HDAC4: variants seen among roughly 807,000 people sequenced by gnomAD.
The protein encoded by HDAC4 is histone deacetylase 4.
Under a neutral mutation model 135.1 loss-of-function variants are expected in HDAC4, and 16 were observed. The ratio of observed to expected loss-of-function variants is 0.12; its 90% confidence interval spans 0.08 to 0.18. The LOEUF (loss-of-function observed/expected upper bound fraction) is 0.18, where lower values mean the gene tolerates loss of function less well. HDAC4 is among the 10% of genes least tolerant of loss of function. The pLI is 1.00. For missense variants in HDAC4, 1,143 were observed against 1,511.8 expected (o/e 0.76, Z 4.05); for synonymous variants, 685 against 653.4 (o/e 1.05, Z -0.74).
Position 239,052,089 on chromosome 2 carries a change from G to GT in HDAC4, c.*1007dup, listed in dbSNP as rs2030939804. 1 of 152,566 alleles carries GT rather than the reference G, an allele frequency of 6.6e-6. No individual in the cohort carries two copies. The highest frequency in any genetic ancestry group is 1.5e-5 in the Non-Finnish European group (1 of 68,030). The allele number at this position is 152,566 out of a possible 1,614,324, so 9.5% of individuals were successfully genotyped here. ...CACGACCAGATGGAGATGCTCAATC[G>GT]TATGTGACGTGTGAGAACACTTTGG... On this transcript the variant is annotated 3_prime_UTR_variant, in exon 27 of 27. Transcript: ENST00000543185.
intron 2 of HDAC4, among the ~76,000 whole-genome samples, chr2:239,294,845 C>T (rs959178496): frequency 2.0e-5 from 3 of 152,126 alleles, no homozygotes; most frequent in Admixed American, 2.0e-4. Flanking sequence ...CAGGACTGTG[C>T]GCTCTCAGGA....
chr2:239,235,205 A>C (rs1256689998), intron 3 of HDAC4, among the ~76,000 whole-genome samples: 3 of 152,166 alleles, frequency 2.0e-5, no homozygotes, highest in Admixed American at 6.5e-5. Flanking sequence ...ACACCCCCCA[A>C]GAGGCCAGGG....
chr2:239,261,905 G>A (rs931460752), intron 2 of HDAC4, among the ~76,000 whole-genome samples: 1 of 152,246 alleles, frequency 6.6e-6, no homozygotes, highest in Non-Finnish European at 1.5e-5. Flanking sequence ...GCAACTGAGA[G>A]TCTCGAAAAG....
intron 14 of HDAC4, among the ~76,000 whole-genome samples, chr2:239,110,762 T>G (rs2038596083): frequency 2.0e-5 from 3 of 152,246 alleles, no homozygotes; most frequent in African/African-American, 7.2e-5. Flanking sequence ...CCTGCCTCTG[T>G]GCTTGTCTCA....
rs1407401805 is a variant in HDAC4 at position 239,261,789 on chromosome 2, T to C, written c.23-25125A>G. 3.9e-5 allele frequency among the ~76,000 whole-genome samples: 6 copies of C among 152,176 alleles called. No individual in the cohort carries two copies. The East Asian group carries it at 1.2e-3, about 29-fold the overall frequency. ...ACTCTTAGAAGGCGAGGTTTCCAAC[T>C]CAAACCACCCCAGAACCTTCCCTCG... On this transcript the variant is annotated intron_variant, in intron 2 of 26. Coordinates refer to ENST00000543185, the MANE Select transcript of HDAC4 (RefSeq NM_001378414.1).
chr2:239,255,522 T>G (rs1443324101), intron 2 of HDAC4, among the ~76,000 whole-genome samples: 2 of 152,216 alleles, frequency 1.3e-5, no homozygotes, highest in Non-Finnish European at 2.9e-5. Flanking sequence ...TCCTTTGTCT[T>G]TATTCTTACA....
chr2:239,141,072 G>C lies in HDAC4; in HGVS notation c.866-1276C>G, dbSNP rs550854348. 500 of 278,954 alleles carry C rather than the reference G, an allele frequency of 1.8e-3. 1 individual carries two copies. The highest frequency in any genetic ancestry group is 3.1e-3 in the Non-Finnish European group (389 of 126,528). The allele number at this position is 278,954 out of a possible 1,614,324, so 17.3% of individuals were successfully genotyped here. A position where few individuals can be genotyped will look rare whatever the true frequency, so the allele number is the denominator to read the frequency against. ...TTGAGGAAGGTGCCATTATGACCCCGTTTCCCAGAAGAGGAGATGGAGGCA... is the reference window on the plus strand; with the variant it reads ...TTGAGGAAGGTGCCATTATGACCCCCTTTCCCAGAAGAGGAGATGGAGGCA... On this transcript the variant is annotated intron_variant, in intron 8 of 26. Transcript: ENST00000543185. This position sits in a 1 kb window ranked among gnomAD's most constrained non-coding sequence, Gnocchi z 4.9.
intron 2 of HDAC4, among the ~76,000 whole-genome samples, chr2:239,252,359 C>A (rs1333550287): frequency 2.6e-5 from 4 of 152,234 alleles, no homozygotes; most frequent in Non-Finnish European, 4.4e-5. Flanking sequence ...AACGTACTCA[C>A]AAGCCGCAGT....
chr2:239,094,089 G>A (rs955475537), intron 17 of HDAC4: 8 of 985,384 alleles, frequency 8.1e-6, no homozygotes, highest in African/African-American at 1.7e-5. Flanking sequence ...CACACACACT[G>A]CACCGTTTCG....
intron 4 of HDAC4, among the ~76,000 whole-genome samples, chr2:239,185,457 GC>G (rs1559195850): frequency 6.6e-6 from 1 of 150,736 alleles, no homozygotes. Context: ...GGTGTCCCGT[GC>G]CTCCTGGGGA....
At chr2:239,155,325 C>T (rs2042355167) in intron 7 of HDAC4, among the ~76,000 whole-genome samples, 2 of 151,904 alleles carry the variant, frequency 1.3e-5, no homozygotes, top group Admixed American at 6.5e-5. Context: ...GGGACATGGC[C>T]AGCCCAATAC....
chr2:239,084,469 A>G (rs1012610011), intron 19 of HDAC4, among the ~76,000 whole-genome samples: 4 of 146,856 alleles, frequency 2.7e-5, no homozygotes, highest in African/African-American at 5.4e-5. Flanking sequence ...GCGCGCGCAC[A>G]CACACACACA....
At chr2:239,293,060 G>A (rs1259683218) in intron 2 of HDAC4, among the ~76,000 whole-genome samples, 2 of 152,202 alleles carry the variant, frequency 1.3e-5, no homozygotes, top group African/African-American at 4.8e-5. Context: ...TCAGGTGTGA[G>A]GCCAGCGGCC....
Position 239,078,914 on chromosome 2 carries a change from G to A in HDAC4, c.2750+2181C>T, listed in dbSNP as rs181005606. On this transcript the variant is annotated intron_variant, in intron 22 of 26. Coordinates refer to ENST00000543185, the MANE Select transcript of HDAC4 (RefSeq NM_001378414.1). ...AGAGGGCAGCACCCCCTTTCTCCCC[G>A]TCCACCAGGAAAGCCCTGCCTTCTC... is the stretch of plus-strand genomic sequence containing the variant. Among the ~76,000 whole-genome samples, 9 of 152,318 alleles carry A rather than the reference G, an allele frequency of 5.9e-5. No individual in the cohort carries two copies. In the South Asian group the frequency reaches 8.3e-4, roughly 14 times the overall value.
At position 239,163,788 on chromosome 2, in the gene HDAC4, C is replaced by T. The variant is rs375047977; in HGVS notation, c.611+15G>A. On this transcript the variant is annotated intron_variant, in intron 6 of 26. Coordinates refer to ENST00000543185, the MANE Select transcript of HDAC4 (RefSeq NM_001378414.1). ...CCAGAGAGGAGGCCGGGGTGCTCCC[C>T]ACACCCACACTTACCCGTACCAGTA... 6.2e-7 allele frequency: 1 copy of T among 1,613,640 alleles called. No individual in the cohort carries two copies. The highest frequency in any genetic ancestry group is 1.3e-5 in the African/African-American group (1 of 74,918).
intron 1 of HDAC4, among the ~76,000 whole-genome samples, chr2:239,384,433 G>A (rs1695642161): frequency 7.3e-6 from 1 of 137,900 alleles, no homozygotes; most frequent in Admixed American, 8.0e-5. Flanking sequence ...GGACAACATA[G>A]TGAGACCCCT....
At chr2:239,258,806 A>G (rs2049188570) in intron 2 of HDAC4, among the ~76,000 whole-genome samples, 1 of 152,230 alleles carries the variant, frequency 6.6e-6, no homozygotes, top group African/African-American at 2.4e-5. Flanking sequence ...GGGCACACAA[A>G]CATTCTAGGC....
chr2:239,334,394 G>T (rs1444083074), intron 2 of HDAC4, among the ~76,000 whole-genome samples: 1 of 151,984 alleles, frequency 6.6e-6, no homozygotes, highest in Admixed American at 6.6e-5. Flanking sequence ...GGTGGCATGT[G>T]CCTGTAATCC....
chr2:239,376,890 T>G (rs2126034688), intron 1 of HDAC4, among the ~76,000 whole-genome samples: 1 of 151,938 alleles, frequency 6.6e-6, no homozygotes, highest in East Asian at 1.9e-4. Flanking sequence ...CAGCACAAAC[T>G]GGGGTTGCAC....
Sources: allele counts gnomAD v4.1 joint callset (sites outside exome capture counted in the v4.1 genomes callset), GRCh38; gene constraint gnomAD v4.1.1; non-coding constraint Gnocchi (gnomAD v3.1); transcripts MANE v1.5; gene names NCBI Gene and HGNC (gene_info 2026-07-23, HGNC 2026-07-21).